HMCN1: variants seen among roughly 807,000 people sequenced by gnomAD.
HMCN1 encodes the protein hemicentin 1.
HMCN1 carries 321 observed loss-of-function variants against 625.9 expected under a neutral mutation model. That is an observed-to-expected ratio of 0.51 (90% CI 0.47 to 0.56). The LOEUF (loss-of-function observed/expected upper bound fraction) is 0.56. Ranked by LOEUF, HMCN1 falls within the 20% of genes least tolerant of loss-of-function variation. The pLI is 0.00. For synonymous variants in HMCN1, 2,425 were observed against 2,417.6 expected (o/e 1.00, Z -0.09); for missense variants, 6,588 against 6,887.3 (o/e 0.96, Z 1.54).
At chr1:185,911,398 A>C (rs1425707044) in intron 5 of HMCN1, among the ~76,000 whole-genome samples, 1 of 152,208 alleles carries the variant, frequency 6.6e-6, no homozygotes, top group African/African-American at 2.4e-5. Context: ...GACACCTTAA[A>C]ATTAAGTATA....
chr1:185,781,704 T>C (rs1285266714), intron 1 of HMCN1, among the ~76,000 whole-genome samples: 5 of 152,234 alleles, frequency 3.3e-5, no homozygotes, highest in Non-Finnish European at 5.9e-5. Flanking sequence ...TGCACTGTGG[T>C]CTGAGAGACA....
intron 1 of HMCN1, among the ~76,000 whole-genome samples, chr1:185,739,458 C>T (rs900412120): frequency 6.6e-6 from 1 of 152,180 alleles, no homozygotes; most frequent in Non-Finnish European, 1.5e-5. Flanking sequence ...TTATCACTCA[C>T]TCTCTTATAT....
chr1:186,103,697 T>C (rs762930957), intron 69 of HMCN1, 29 bp downstream of exon 69: 1 of 1,596,186 alleles, frequency 6.3e-7, no homozygotes, highest in Admixed American at 1.7e-5. Flanking sequence ...AGAATTATTT[T>C]AGGTTAGGTC....
intron 42 of HMCN1, 102 bp from the exon 43 acceptor site, chr1:186,052,850 T>A: frequency 1.0e-6 from 1 of 999,226 alleles, no homozygotes; most frequent in Non-Finnish European, 1.6e-6. Flanking sequence ...TGACAATTTC[T>A]TCCTTATGTC....
chr1:185,977,884 A>C lies in HMCN1; in HGVS notation c.2469A>C (p.Thr823=). 1 of 1,613,376 alleles carries C rather than the reference A, an allele frequency of 6.2e-7. No homozygotes were observed. Among genetic ancestry groups the C allele is most frequent in the Non-Finnish European group, 8.5e-7 (1 of 1,179,490 alleles). ...PCYVQGYPEP[T]IKWRRLDNMP... ...ATGTTCAGGGTTATCCAGAACCAAC[A>C]ATCAAATGGCGAAGATTAGACAACA... The change falls in exon 16 of 107, where the codon ACA becomes ACC. Residue 823 remains threonine, a synonymous_variant. Transcript: ENST00000271588.
In HMCN1 at chr1:186,100,587, C is replaced by T. The variant is rs189123146; in HGVS notation, c.10574-2885C>T. ...GAGAAATCATTCAAAGTTCTAAAAA[C>T]GGAATAACAAATAGAACTACAGTTT... On this transcript the variant is annotated intron_variant, in intron 68 of 106. Transcript: ENST00000271588. Among the ~76,000 whole-genome samples, 54 of 152,126 alleles carry T rather than the reference C, an allele frequency of 3.5e-4. 2 individuals are homozygous for T. In the East Asian group the frequency reaches 5.0e-3, roughly 14 times the overall value.
At chr1:185,768,762 A>G (rs771648897) in intron 1 of HMCN1, among the ~76,000 whole-genome samples, 1 of 152,180 alleles carries the variant, frequency 6.6e-6, no homozygotes, top group Non-Finnish European at 1.5e-5. Flanking sequence ...CCTGGGCAAC[A>G]TAGTAGGACC....
intron 1 of HMCN1, among the ~76,000 whole-genome samples, chr1:185,772,519 T>C (rs1259524440): frequency 6.6e-6 from 1 of 152,160 alleles, no homozygotes; most frequent in Non-Finnish European, 1.5e-5. Context: ...TCCAGGGTTC[T>C]TAGTTTGGGC....
intron 1 of HMCN1, among the ~76,000 whole-genome samples, chr1:185,829,701 T>C (rs1264858238): frequency 6.6e-6 from 1 of 152,188 alleles, no homozygotes; most frequent in Non-Finnish European, 1.5e-5. Flanking sequence ...TTATTGTAAA[T>C]AGTGCTGCAA....
Position 186,120,048 on chromosome 1 carries a change from G to A in HMCN1, c.12132G>A (p.Gln4044=). 1 of 1,613,984 alleles carries A rather than the reference G, an allele frequency of 6.2e-7. No homozygotes were observed. The highest frequency in any genetic ancestry group is 8.5e-7 in the Non-Finnish European group (1 of 1,179,968). The part of the protein sequence containing the change: ...NHAVLPSGGL[Q]ISRAVREDAG... ...CAGTTCTTCCTAGTGGCGGCTTACA[G>A]ATCTCCAGAGCTGTCCGAGAGGATG... Residue 4044 remains glutamine (Q), a synonymous_variant, in exon 80 of 107, where the codon CAG becomes CAA. Transcript: ENST00000271588.
intron 1 of HMCN1, among the ~76,000 whole-genome samples, chr1:185,777,599 G>C (rs1656709368): frequency 6.6e-6 from 1 of 152,018 alleles, no homozygotes; most frequent in Non-Finnish European, 1.5e-5. Flanking sequence ...CTACAGGCAT[G>C]CGCCACCACA....
intron 6 of HMCN1, 50 bp from the exon 7 acceptor site, chr1:185,922,329 C>A (rs1009511164): frequency 5.6e-6 from 9 of 1,608,792 alleles, no homozygotes; most frequent in Non-Finnish European, 7.7e-6. Flanking sequence ...TTGCATATGA[C>A]CAGCATACTG....
chr1:186,154,538 C>T (rs1389780412), intron 97 of HMCN1, among the ~76,000 whole-genome samples: 2 of 152,150 alleles, frequency 1.3e-5, no homozygotes, highest in African/African-American at 2.4e-5. Flanking sequence ...CAAAGAAAAA[C>T]ATACAATGTG....
Position 186,081,407 on chromosome 1 carries a change from A to G in HMCN1, c.8787+13A>G, listed in dbSNP as rs1354635025. ...ACGAATTCTGCAGGTAAAAGTAAAGAAAGATCTAATTTTAAAAGAGCTATT... is the reference window on the plus strand; with the variant it reads ...ACGAATTCTGCAGGTAAAAGTAAAGGAAGATCTAATTTTAAAAGAGCTATT... On this transcript the variant is annotated intron_variant, in intron 56 of 106. Coordinates refer to ENST00000271588, the MANE Select transcript of HMCN1 (RefSeq NM_031935.3). 1 of 1,588,996 alleles carries G rather than the reference A, an allele frequency of 6.3e-7. No homozygotes were observed.
chr1:186,185,238 C>T (rs1653210458), intron 105 of HMCN1, among the ~76,000 whole-genome samples: 1 of 152,144 alleles, frequency 6.6e-6, no homozygotes, highest in African/African-American at 2.4e-5. Context: ...ACCCCTGCAG[C>T]CCACTGGCTT....
intron 48 of HMCN1, among the ~76,000 whole-genome samples, chr1:186,064,477 T>C (rs1253196949): frequency 6.6e-6 from 1 of 152,124 alleles, no homozygotes; most frequent in Non-Finnish European, 1.5e-5. Flanking sequence ...GTTTTGCTTT[T>C]TTACAGCTTT....
intron 36 of HMCN1, among the ~76,000 whole-genome samples, chr1:186,035,858 C>G (rs571444307): frequency 6.6e-6 from 1 of 152,122 alleles, no homozygotes; most frequent in East Asian, 1.9e-4. Context: ...CACACACATA[C>G]ACATATGCAT....
At chr1:186,082,779 A>C in intron 56 of HMCN1, 86 bp from the exon 57 acceptor site, 1 of 627,466 alleles carries the variant, frequency 1.6e-6, no homozygotes, top group East Asian at 3.3e-5. Flanking sequence ...TAGAAATAAT[A>C]TATATTATTT....
chr1:185,962,730 A>G, intron 12 of HMCN1, 71 bp downstream of exon 12: 1 of 859,346 alleles, frequency 1.2e-6, no homozygotes, highest in Non-Finnish European at 2.0e-6. Flanking sequence ...GACCAAACTA[A>G]TATGACCAAA....
Sources: gnomAD v4.1 joint callset for allele counts (sites outside exome capture counted in the v4.1 genomes callset) on GRCh38, gnomAD v4.1.1 for gene constraint, MANE v1.5 for transcripts, NCBI Gene and HGNC (gene_info 2026-07-23, HGNC 2026-07-21) for gene names.